The following CCNL2 variants were observed in gnomAD, a reference collection of about 807,000 sequenced individuals.
CCNL2 encodes the protein cyclin L2, also known as cyclin-L2.
CCNL2 carries 28 observed loss-of-function variants against 59.1 expected under a neutral mutation model. The observed-to-expected ratio is 0.47, with a 90% CI of 0.35 to 0.65. CCNL2 has a LOEUF of 0.65. Ranked by LOEUF, CCNL2 falls within the 30% of genes least tolerant of loss-of-function variation. The pLI is 0.00. For synonymous variants in CCNL2, 342 were observed against 288.6 expected (o/e 1.19, Z -1.88); for missense variants, 714 against 717.4 (o/e 1.00, Z 0.05).
chr1:1,398,113 G>GAAT, intron 3 of CCNL2, 120 bp downstream of exon 3: 1 of 940,520 alleles, frequency 1.1e-6, no homozygotes, highest in Non-Finnish European at 1.6e-6. Context: ...CTGCGCTCAT[G>GAAT]AATATCCCAC....
chr1:1,391,311 T>C (rs1398720403), intron 5 of CCNL2: 2 of 1,158,872 alleles, frequency 1.7e-6, no homozygotes, highest in South Asian at 1.8e-5. Flanking sequence ...ATGAACTGGC[T>C]GAGCACAAAG....
intron 5 of CCNL2, chr1:1,392,459 G>A: frequency 2.5e-6 from 3 of 1,212,526 alleles, no homozygotes; most frequent in Non-Finnish European, 3.1e-6. Context: ...CAGCCAATTT[G>A]TCTCTTCAAT....
chr1:1,398,769 AAC>A, intron 1 of CCNL2, 98 bp from the exon 2 acceptor site: 1 of 1,271,352 alleles, frequency 7.9e-7, no homozygotes, highest in Non-Finnish European at 1.1e-6. Context: ...CGCAGAACCA[AAC>A]ACTGAAACGC....
intron 3 of CCNL2, 139 bp downstream of exon 3, chr1:1,398,093 GA>G (rs1645144395): frequency 2.6e-6 from 2 of 759,496 alleles, no homozygotes; most frequent in East Asian, 5.4e-5. Flanking sequence ...TCTGTTGGTG[GA>G]GCTTGAGACT....
chr1:1,390,739 A>G (rs761986081), intron 6 of CCNL2, 27 bp downstream of exon 6: 4 of 1,600,086 alleles, frequency 2.5e-6, no homozygotes, highest in Non-Finnish European at 3.4e-6. Flanking sequence ...TCAGACTAGA[A>G]TCTCTCCATA....
chr1:1,390,748 T>G lies in CCNL2; in HGVS notation c.759+18A>C. ...AAAAAATCAGACTAGAATCTCTCCA[T>G]AGTAGCAACACACTGACCTCCAGCG... On this transcript the variant is annotated intron_variant, in intron 6 of 10. Transcript: ENST00000400809. 1.2e-6 allele frequency: 2 copies of G among 1,607,638 alleles called. No individual in the cohort carries two copies. Among genetic ancestry groups the G allele is most frequent in the Non-Finnish European group, 1.7e-6 (2 of 1,174,148 alleles).
rs1203460228 is a variant in CCNL2 at position 1,399,019 on chromosome 1, C to G, written c.288G>C (p.Gln96His). The change falls in exon 1 of 11, where the codon CAG becomes CAC. Residue 96 changes from glutamine to histidine, a missense_variant and splice_region_variant. By Grantham distance (24) the Gln-to-His change is conservative (BLOSUM62 0). Transcript: ENST00000400809. The stretch of plus-strand genomic sequence containing the variant: ...CGGAGGCTCGCGGCCGCGCCCTCAC[C>G]TGCGGCAGGCGGAGCAGGATACCGG... Reference protein sequence around the residue: ...QAAGILLRLPQVAMATGQVLF... With the variant: ...QAAGILLRLPHVAMATGQVLF... The G allele has an allele frequency of 1.3e-6, 2 of 1,577,228 alleles. No homozygotes were observed. Among genetic ancestry groups the G allele is most frequent in the Non-Finnish European group, 1.7e-6 (2 of 1,166,042 alleles).
At chr1:1,388,290 A>AG in intron 8 of CCNL2, 1 of 538,690 alleles carries the variant, frequency 1.9e-6, no homozygotes, top group South Asian at 2.0e-5. Context: ...CGGGAGGCCG[A>AG]GGAGGGCGGA....
rs772052659 is a variant in CCNL2 at position 1,387,455 on chromosome 1, G to A, written c.1339C>T (p.Arg447Trp). ...GGGTACTTGCAGTCCTTGGACTTCC[G>A]GGAGCCCCGAATCTCAGAGCCTTTG... is the stretch of plus-strand genomic sequence containing the variant. ...PYKGSEIRGS[R>W]KSKDCKYPQK... The change falls in exon 11 of 11, where the codon CGG (arginine) becomes TGG (tryptophan). Residue 447 changes from arginine to tryptophan, a missense_variant. Arg to Trp is a moderately radical substitution (Grantham distance 101). Around this residue, in one of 5 missense-constraint regions of CCNL2, gnomAD observed 403 missense variants for 377.7 expected, o/e 1.07. Coordinates refer to ENST00000400809, the MANE Select transcript of CCNL2 (RefSeq NM_030937.6). 1.4e-5 allele frequency: 23 copies of A among 1,613,184 alleles called. No homozygotes were observed. The East Asian group carries it at 2.2e-4, about 16-fold the overall frequency.
At position 1,395,495 on chromosome 1, in the gene CCNL2, G is replaced by A; in HGVS notation, c.493C>T (p.Leu165=). ...TTTAAATTAACATAATCTTGATCCA[G>A]TAGTAGAGGCACGGGCTTCCTGCCA... ...RDKKKPVPLL[L]DQDYVNLKNQ... The change falls in exon 4 of 11, where the codon CTG becomes TTG. Residue 165 remains leucine, a synonymous_variant. Coordinates refer to ENST00000400809, the MANE Select transcript of CCNL2 (RefSeq NM_030937.6). 2 of 1,614,100 alleles carry A rather than the reference G, an allele frequency of 1.2e-6. No individual in the cohort carries two copies. The highest frequency in any genetic ancestry group is 1.7e-5 in the Admixed American group (1 of 60,014).
chr1:1,397,143 A>T (rs776186518), intron 3 of CCNL2, among the ~76,000 whole-genome samples: 1 of 152,168 alleles, frequency 6.6e-6, no homozygotes, highest in Non-Finnish European at 1.5e-5. Context: ...AGGCCTCCCA[A>T]CGTGCTGGGA....
At chr1:1,392,567 C>T (rs983728871) in intron 5 of CCNL2, 28 of 1,402,308 alleles carry the variant, frequency 2.0e-5, no homozygotes, top group Non-Finnish European at 2.5e-5. Flanking sequence ...CAAGTCAAGA[C>T]AGTTACCAAC....
At chr1:1,391,059 A>T in intron 5 of CCNL2, 194 bp from the exon 6 acceptor site, 2 of 1,027,098 alleles carry the variant, frequency 1.9e-6, no homozygotes, top group Non-Finnish European at 2.7e-6. Flanking sequence ...TAAATACAGT[A>T]AATACAGGAC....
chr1:1,390,688 A>G, intron 6 of CCNL2, 78 bp downstream of exon 6: 2 of 1,499,462 alleles, frequency 1.3e-6, no homozygotes, highest in Non-Finnish European at 9.3e-7. Context: ...TAATTTGAAG[A>G]ATAACACAGT....
chr1:1,390,732 G>A, intron 6 of CCNL2, 34 bp downstream of exon 6: 13 of 1,591,660 alleles, frequency 8.2e-6, no homozygotes, highest in Non-Finnish European at 1.1e-5. Flanking sequence ...AAAAAAATCA[G>A]ACTAGAATCT....
intron 4 of CCNL2, among the ~76,000 whole-genome samples, chr1:1,394,655 C>T (rs1644918796): frequency 6.8e-6 from 1 of 147,902 alleles, no homozygotes; most frequent in South Asian, 2.2e-4. Context: ...GAGGCTGAGG[C>T]ACAAGAATCA....
intron 3 of CCNL2, among the ~76,000 whole-genome samples, chr1:1,396,561 C>T (rs1158267440): frequency 2.9e-5 from 4 of 137,236 alleles, no homozygotes; most frequent in African/African-American, 8.2e-5. Context: ...CCACTGCGCT[C>T]GGCAAGGCTG....
chr1:1,389,428 G>A (rs1388301127), intron 8 of CCNL2: 3 of 152,304 alleles, frequency 2.0e-5, no homozygotes, highest in Non-Finnish European at 4.4e-5. Context: ...CTGATGACGT[G>A]TATCATCTAT....
At position 1,395,096 on chromosome 1, in the gene CCNL2, G is replaced by A. The variant is rs907592616; in HGVS notation, c.594+298C>T. On this transcript the variant is annotated intron_variant, in intron 4 of 10. Coordinates refer to ENST00000400809, the MANE Select transcript of CCNL2 (RefSeq NM_030937.6). Reference sequence around the variant, plus strand: ...AGAAAACAAAAAAAAATTAACTGTAGAGAAAGGAAAACATAAACTAAAATT... The same window carrying A: ...AGAAAACAAAAAAAAATTAACTGTAAAGAAAGGAAAACATAAACTAAAATT... 4.5e-5 allele frequency: 14 copies of A among 313,018 alleles called. No individual in the cohort carries two copies. In the South Asian group the frequency reaches 4.7e-4, roughly 10 times the overall value. 19.4% of individuals were successfully genotyped at this position (313,018 alleles called of 1,614,324 possible).
Sources: gnomAD v4.1 joint callset for allele counts (sites outside exome capture counted in the v4.1 genomes callset) on GRCh38, gnomAD v4.1.1 for gene constraint, gnomAD v4.1.1 regional missense constraint, MANE v1.5 for transcripts, NCBI Gene and HGNC (gene_info 2026-07-23, HGNC 2026-07-21) for gene names.